The following PLS1 variants were observed in gnomAD, a reference collection of about 807,000 sequenced individuals.
The protein encoded by PLS1 is plastin 1.
Under a neutral mutation model 73.7 loss-of-function variants are expected in PLS1, and 32 were observed. The ratio of observed to expected loss-of-function variants is 0.43; its 90% CI spans 0.33 to 0.58. The LOEUF (loss-of-function observed/expected upper bound fraction) is 0.58, where lower values mean the gene tolerates loss of function less well. PLS1 is among the 20% of genes least tolerant of loss of function. The pLI, the probability that PLS1 is intolerant of heterozygous loss-of-function variation, is 0.04. For missense variants in PLS1, 633 were observed against 740.5 expected, an observed-to-expected ratio of 0.85 and a Z score of 1.68; for synonymous variants, 217 against 261.3, an observed-to-expected ratio of 0.83 and a Z score of 1.63.
At chr3:142,644,074 C>T (rs2036899990) in intron 1 of PLS1, among the ~76,000 whole-genome samples, 2 of 151,948 alleles carry the variant, frequency 1.3e-5, no homozygotes, top group African/African-American at 4.8e-5. Flanking sequence ...GTGATCCTCC[C>T]GCCTCAGTCT....
At chr3:142,634,454 A>G (rs916514300) in intron 1 of PLS1, among the ~76,000 whole-genome samples, 6 of 152,230 alleles carry the variant, frequency 3.9e-5, no homozygotes, top group Non-Finnish European at 7.3e-5. Flanking sequence ...GAAGAAAGGT[A>G]AAAATGATGT....
intron 9 of PLS1, among the ~76,000 whole-genome samples, chr3:142,689,236 C>T (rs1321033035): frequency 6.6e-6 from 1 of 151,926 alleles, no homozygotes; most frequent in Non-Finnish European, 1.5e-5. Flanking sequence ...CCAGCCTGGC[C>T]AACATGGCAA....
intron 1 of PLS1, among the ~76,000 whole-genome samples, chr3:142,597,616 C>T (rs1020923857): frequency 4.6e-5 from 7 of 152,126 alleles, no homozygotes; most frequent in African/African-American, 1.7e-4. Context: ...CTAGTTTTGG[C>T]TGTAGAGACC....
chr3:142,704,815 A>ATTTTTTTT, intron 14 of PLS1, among the ~76,000 whole-genome samples: 1 of 133,478 alleles, frequency 7.5e-6, no homozygotes, highest in East Asian at 2.2e-4. Context: ...CACCCGGCTA[A>ATTTTTTTT]TTTTTTTTTT....
chr3:142,659,954 C>G (rs1199545053), intron 1 of PLS1, among the ~76,000 whole-genome samples: 1 of 152,056 alleles, frequency 6.6e-6, no homozygotes, highest in Admixed American at 6.6e-5. Flanking sequence ...CTCAAGTATA[C>G]CGTGACACAA....
intron 6 of PLS1, 141 bp downstream of exon 6, chr3:142,678,254 CTTTTT>C (rs967135560): frequency 1.2e-5 from 4 of 338,668 alleles, no homozygotes; most frequent in Non-Finnish European, 1.6e-5. Flanking sequence ...TTTTGGAATC[CTTTTT>C]TTTATTTTTA....
In PLS1 at chr3:142,664,209, G is replaced by C. The variant is rs1438485131; in HGVS notation, c.-29G>C. On this transcript the variant is annotated 5_prime_UTR_variant, in exon 2 of 16. Transcript: ENST00000457734. ...TAATATTGCTTTTTCTAGATATAAA[G>C]ACCTGAAGATAGTCTTTTCTGTCCA... is the stretch of plus-strand genomic sequence containing the variant. 2 of 1,309,754 alleles carry C rather than the reference G, an allele frequency of 1.5e-6. No homozygotes were observed. The highest frequency in any genetic ancestry group is 2.2e-6 in the Non-Finnish European group (2 of 926,440). 81.1% of individuals were successfully genotyped at this position (1,309,754 alleles called of 1,614,324 possible). A position where few individuals can be genotyped will look rare whatever the true frequency, so the allele number is the denominator to read the frequency against.
chr3:142,708,404 G>A (rs1932952348), intron 14 of PLS1, among the ~76,000 whole-genome samples: 1 of 151,998 alleles, frequency 6.6e-6, no homozygotes, highest in South Asian at 2.1e-4. Context: ...CCGCCATCAC[G>A]CCCAATTAAT....
chr3:142,607,011 C>T (rs547909768), intron 1 of PLS1, among the ~76,000 whole-genome samples: 49 of 152,214 alleles, frequency 3.2e-4, no homozygotes, highest in African/African-American at 1.0e-3. Context: ...ACTGCCAAAC[C>T]GTTTTCTGGA....
intron 1 of PLS1, among the ~76,000 whole-genome samples, chr3:142,599,944 A>G (rs2035886053): frequency 6.6e-6 from 1 of 151,704 alleles, no homozygotes; most frequent in Admixed American, 6.6e-5. Context: ...TTTTGTGTTT[A>G]GAGATGGGGT....
chr3:142,610,472 T>C (rs1200626851), intron 1 of PLS1, among the ~76,000 whole-genome samples: 2 of 152,186 alleles, frequency 1.3e-5, no homozygotes, highest in Non-Finnish European at 2.9e-5. Context: ...TTGTAAACCT[T>C]TTAAGCAGCC....
Position 142,666,225 on chromosome 3 carries a change from T to G in PLS1, c.70+1918T>G, listed in dbSNP as rs528396243. On this transcript the variant is annotated intron_variant, in intron 2 of 15. Coordinates refer to ENST00000457734, the MANE Select transcript of PLS1 (RefSeq NM_001145319.2). ...TAACCATTTTTAAGTGTATAGTTCATTAGCATTTAGTACATTCACATTGTT... is the reference window on the plus strand; with the variant it reads ...TAACCATTTTTAAGTGTATAGTTCAGTAGCATTTAGTACATTCACATTGTT... Among the ~76,000 whole-genome samples the G allele has an allele frequency of 2.0e-5, 3 of 152,342 alleles. No homozygotes were observed. In the South Asian group the frequency reaches 6.2e-4, roughly 32 times the overall value.
intron 2 of PLS1, among the ~76,000 whole-genome samples, chr3:142,666,928 A>C (rs978258283): frequency 1.3e-5 from 2 of 152,184 alleles, no homozygotes; most frequent in Non-Finnish European, 2.9e-5. Flanking sequence ...CCAATTGTAT[A>C]TCTTCTCTGG....
chr3:142,670,128 A>G (rs981281699), intron 3 of PLS1, among the ~76,000 whole-genome samples: 1 of 152,182 alleles, frequency 6.6e-6, no homozygotes, highest in Non-Finnish European at 1.5e-5. Context: ...AGGCTGGATA[A>G]CCCAGGGACT....
chr3:142,611,674 T>C (rs2036122548), intron 1 of PLS1, among the ~76,000 whole-genome samples: 1 of 152,152 alleles, frequency 6.6e-6, no homozygotes, highest in Non-Finnish European at 1.5e-5. Context: ...AGTATGTATG[T>C]AGTGTTATAT....
At chr3:142,609,279 C>G (rs1477830186) in intron 1 of PLS1, among the ~76,000 whole-genome samples, 1 of 152,178 alleles carries the variant, frequency 6.6e-6, no homozygotes, top group South Asian at 2.1e-4. Context: ...CTGTCTTGCT[C>G]ATGTAAATGT....
chr3:142,704,635 A>ATTTTTTTTTTT lies in PLS1; in HGVS notation c.1629+69_1629+79dup, dbSNP rs10631186. The ATTTTTTTTTTT allele has an allele frequency of 3.4e-4, 89 of 261,978 alleles. 8 individuals are homozygous for ATTTTTTTTTTT. The highest frequency in any genetic ancestry group is 2.3e-3 in the African/African-American group (48 of 20,660). The allele number at this position is 261,978 out of a possible 1,614,324, so 16.2% of individuals were successfully genotyped here. A position where few individuals can be genotyped will look rare whatever the true frequency, so the allele number is the denominator to read the frequency against. On this transcript the variant is annotated intron_variant, in intron 14 of 15. Coordinates refer to ENST00000457734, the MANE Select transcript of PLS1 (RefSeq NM_001145319.2). ...TTTTTTTTTGTAGGTATAGGAAGGA[A>ATTTTTTTTTTT]TTTTTTTTTTTTTTTTTTTTTTTTT...
intron 1 of PLS1, among the ~76,000 whole-genome samples, chr3:142,606,636 A>C (rs897425940): frequency 6.6e-6 from 1 of 152,160 alleles, no homozygotes; most frequent in Non-Finnish European, 1.5e-5. Context: ...GCAATGCCAA[A>C]TCTACTTTCT....
In PLS1 at chr3:142,703,955, G is replaced by A. The variant is rs539991244; in HGVS notation, c.1459G>A (p.Gly487Arg). 4.3e-5 allele frequency: 70 copies of A among 1,613,956 alleles called. No individual in the cohort carries two copies. The highest frequency in any genetic ancestry group is 3.3e-5 in the Admixed American group (2 of 60,006). ...VGIAGQDLNE[G>R]NSTLTLALVW... ...CATTGCTGGGCAGGACCTAAATGAA[G>A]GGAATTCAACACTTACCCTGGCATT... is the stretch of plus-strand genomic sequence containing the variant. The change falls in exon 13 of 16, where the codon GGG (glycine) becomes AGG (arginine). Residue 487 changes from glycine (G) to arginine (R), a missense_variant. By Grantham distance (125) the Gly-to-Arg change is moderately radical. Coordinates refer to ENST00000457734, the MANE Select transcript of PLS1 (RefSeq NM_001145319.2).
Sources: allele counts gnomAD v4.1 joint callset (sites outside exome capture counted in the v4.1 genomes callset), GRCh38; gene constraint gnomAD v4.1.1; transcripts MANE v1.5; gene names NCBI Gene and HGNC (gene_info 2026-07-23, HGNC 2026-07-21).